SHC2: variants seen among roughly 807,000 people sequenced by gnomAD.
The protein encoded by SHC2 is SHC adaptor protein 2, also known as SHC-transforming protein 2.
In SHC2, 62 loss-of-function variants were observed where a neutral mutation model predicts 60.6. The ratio of observed to expected loss-of-function variants is 1.02; its 90% CI spans 0.83 to 1.26. The LOEUF is 1.26. Ranked by LOEUF, SHC2 falls within the 50% of genes most tolerant of loss-of-function variation. The pLI is 0.00. For synonymous variants in SHC2, 375 were observed against 372.4 expected (o/e 1.01, Z -0.08); for missense variants, 873 against 822.2 (o/e 1.06, Z -0.76).
chr19:443,087 A>AC (rs1974946845), intron 1 of SHC2, among the ~76,000 whole-genome samples: 1 of 109,846 alleles, frequency 9.1e-6, no homozygotes, highest in African/African-American at 3.5e-5. Context: ...GGATGGATGG[A>AC]GGGTGGATGG....
Position 425,099 on chromosome 19 carries a change from A to C in SHC2, c.1307T>G (p.Met436Arg). 1 of 1,402,742 alleles carries C rather than the reference A, an allele frequency of 7.1e-7. No individual in the cohort carries two copies. The highest frequency in any genetic ancestry group is 9.3e-7 in the Non-Finnish European group (1 of 1,070,794). The allele number at this position is 1,402,742 out of a possible 1,614,324, so 86.9% of individuals were successfully genotyped here. The change falls in exon 10 of 13, where the codon ATG (methionine) becomes AGG (arginine). Residue 436 changes from methionine to arginine, a missense_variant and splice_region_variant. Transcript: ENST00000264554. This position sits in a 1 kb window ranked among gnomAD's most constrained non-coding sequence, Gnocchi z 4.1. ...EDSPKKDLFD[M>R]RPFEDALKLH... ...CCGCCCCCCAGGCTGCCACATACGCATGTCAAACAGATCCTTTTTGGGGCT... is the reference window on the plus strand; with the variant it reads ...CCGCCCCCCAGGCTGCCACATACGCCTGTCAAACAGATCCTTTTTGGGGCT...
intron 1 of SHC2, among the ~76,000 whole-genome samples, chr19:459,936 G>A (rs1600338092): frequency 6.6e-6 from 1 of 152,332 alleles, no homozygotes; most frequent in South Asian, 2.1e-4. Flanking sequence ...TCAGCAGAGG[G>A]GAAGGTTACC....
chr19:459,823 A>G (rs771799280), intron 1 of SHC2, among the ~76,000 whole-genome samples: 1 of 152,178 alleles, frequency 6.6e-6, no homozygotes, highest in East Asian at 1.9e-4. Context: ...CTGCAGCTGT[A>G]GGACAGCTGC....
At chr19:430,568 A>T (rs946243130) in intron 9 of SHC2, 116 bp downstream of exon 9, 20 of 779,200 alleles carry the variant, frequency 2.6e-5, no homozygotes, top group Non-Finnish European at 4.2e-5. Flanking sequence ...AGACGATCTC[A>T]TAGATTAATG....
chr19:435,951 C>T, intron 7 of SHC2: 1 of 553,894 alleles, frequency 1.8e-6, no homozygotes, highest in Non-Finnish European at 3.2e-6. Flanking sequence ...CTTGCTTAGT[C>T]CTCCCCAATC....
At chr19:436,999 T>TCA (rs1195757405) in intron 4 of SHC2, among the ~76,000 whole-genome samples, 6 of 151,054 alleles carry the variant, frequency 4.0e-5, no homozygotes, top group East Asian at 3.9e-4. Flanking sequence ...GCCCAGACGC[T>TCA]CACACACACA....
In SHC2 at chr19:438,955, A is replaced by G. The variant is rs1479353673; in HGVS notation, c.600+15T>C. On this transcript the variant is annotated intron_variant, in intron 3 of 12. Transcript: ENST00000264554. This position sits in a 1 kb window ranked among gnomAD's most constrained non-coding sequence, Gnocchi z 5.0. The stretch of plus-strand genomic sequence containing the variant: ...TGCCCCACCAGCCCCACGAGAGACC[A>G]CAAGCCTCACTCACCTTTTTCTTCC... 15 of 1,594,972 alleles carry G rather than the reference A, an allele frequency of 9.4e-6. No homozygotes were observed. The highest frequency in any genetic ancestry group is 1.7e-5 in the Admixed American group (1 of 57,954).
At chr19:420,432 C>T (rs1418173937) in intron 11 of SHC2, among the ~76,000 whole-genome samples, 3 of 152,220 alleles carry the variant, frequency 2.0e-5, no homozygotes, top group Non-Finnish European at 4.4e-5. Context: ...CTCTGAGAGG[C>T]CTCCGAACCC....
At chr19:451,950 A>C (rs1228011359) in intron 1 of SHC2, among the ~76,000 whole-genome samples, 1 of 152,220 alleles carries the variant, frequency 6.6e-6, no homozygotes, top group African/African-American at 2.4e-5. Context: ...TTTAGAAGCC[A>C]AATCGTCCGT....
chr19:418,828 A>G, intron 12 of SHC2, 95 bp downstream of exon 12: 1 of 1,404,434 alleles, frequency 7.1e-7, no homozygotes, highest in Non-Finnish European at 9.6e-7. Flanking sequence ...CTCTAGAGGG[A>G]AAGGCACGGC....
chr19:452,015 C>T (rs1484935401), intron 1 of SHC2, among the ~76,000 whole-genome samples: 1 of 152,264 alleles, frequency 6.6e-6, no homozygotes, highest in Non-Finnish European at 1.5e-5. Context: ...TCTGCCCCGT[C>T]TGTGGCTGTC....
chr19:439,218 AG>A (rs1197152739), intron 2 of SHC2, 188 bp from the exon 3 acceptor site: 2 of 29,288 alleles, frequency 6.8e-5, no homozygotes, highest in African/African-American at 3.8e-4. Flanking sequence ...GTGGGCAGGG[AG>A]GGGGCTGGGG....
Position 424,949 on chromosome 19 carries a change from A to G in SHC2, c.1309+148T>C. Reference sequence around the variant, plus strand: ...GAGACAGACTGGGCTTCCCCGTCCCACCCGTCGACTTGAAGGATCTCACGG... The same window carrying G: ...GAGACAGACTGGGCTTCCCCGTCCCGCCCGTCGACTTGAAGGATCTCACGG... On this transcript the variant is annotated intron_variant, in intron 10 of 12. Transcript: ENST00000264554. The surrounding 1 kb of genome is among the most constrained non-coding windows in gnomAD (Gnocchi z 4.5). The G allele has an allele frequency of 1.2e-6, 1 of 866,702 alleles. No individual in the cohort carries two copies. The highest frequency in any genetic ancestry group is 4.6e-5 in the South Asian group (1 of 21,730). The allele number at this position is 866,702 out of a possible 1,614,324, so 53.7% of individuals were successfully genotyped here.
intron 7 of SHC2, 109 bp from the exon 8 acceptor site, chr19:434,974 C>T: frequency 1.7e-6 from 2 of 1,184,958 alleles, no homozygotes; most frequent in South Asian, 1.5e-5. Context: ...GAATCCCAGC[C>T]CCCCACCTGT....
chr19:457,615 C>T (rs760198388), intron 1 of SHC2, among the ~76,000 whole-genome samples: 1 of 152,208 alleles, frequency 6.6e-6, no homozygotes, highest in Non-Finnish European at 1.5e-5. Flanking sequence ...TCATTGTCTA[C>T]TCATCATCTG....
intron 7 of SHC2, 73 bp from the exon 8 acceptor site, chr19:434,938 T>A (rs2145717250): frequency 6.8e-7 from 1 of 1,471,630 alleles, no homozygotes; most frequent in East Asian, 2.4e-5. Flanking sequence ...CTTGAGCTTC[T>A]GGGGGAGCAG....
At chr19:434,605 C>T (rs951534321) in intron 8 of SHC2, 104 bp downstream of exon 8, 1 of 1,012,640 alleles carries the variant, frequency 9.9e-7, no homozygotes, top group African/African-American at 4.3e-5. Context: ...AGACCCTCCT[C>T]TAGGATCGAG....
At chr19:437,355 T>C (rs187621589) in intron 4 of SHC2, among the ~76,000 whole-genome samples, 3 of 151,560 alleles carry the variant, frequency 2.0e-5, no homozygotes, top group Non-Finnish European at 2.9e-5. Flanking sequence ...TGCTCATCTG[T>C]GTGCTTGTTT....
At position 422,433 on chromosome 19, in the gene SHC2, A is replaced by G; in HGVS notation, c.1333T>C (p.Leu445=). Residue 445 remains leucine, a synonymous_variant, in exon 11 of 13, where the codon TTG becomes CTG. Coordinates refer to ENST00000264554, the MANE Select transcript of SHC2 (RefSeq NM_012435.3). The surrounding 1 kb of genome is among the most constrained non-coding windows in gnomAD (Gnocchi z 5.0). ...CCTGCCGCCACTGAGCACTCATGCAACTTCAGGGCATCCTCAAAGGGTCCT... is the reference window on the plus strand; with the variant it reads ...CCTGCCGCCACTGAGCACTCATGCAGCTTCAGGGCATCCTCAAAGGGTCCT... ...DMRPFEDALK[L]HECSVAAGVT... The G allele has an allele frequency of 6.4e-7, 1 of 1,571,960 alleles. No homozygotes were observed. Among genetic ancestry groups the G allele is most frequent in the Non-Finnish European group, 8.6e-7 (1 of 1,158,034 alleles).
Sources: allele counts gnomAD v4.1 joint callset (sites outside exome capture counted in the v4.1 genomes callset), GRCh38; gene constraint gnomAD v4.1.1; non-coding constraint Gnocchi (gnomAD v3.1); transcripts MANE v1.5; gene names NCBI Gene and HGNC (gene_info 2026-07-23, HGNC 2026-07-21).